Variants in LDAH observed in about 807,000 individuals in gnomAD.
LDAH encodes the protein lipid droplet associated hydrolase.
In LDAH, 26 loss-of-function variants were observed where a neutral mutation model predicts 29.6. That is an observed-to-expected ratio of 0.88 (90% CI 0.64 to 1.22). The LOEUF is 1.22. Among genes scored for constraint, LDAH ranks in the 50% most tolerant of loss-of-function variants. The pLI is 0.00. For synonymous variants in LDAH, 117 were observed against 133.0 expected (o/e 0.88, Z 0.83); for missense variants, 344 against 387.3 (o/e 0.89, Z 0.94).
downstream of LDAH, among the ~76,000 whole-genome samples, chr2:20,683,106 C>T (rs116218409): frequency 3.5e-3 from 536 of 152,298 alleles, 2 homozygotes; most frequent in African/African-American, 0.012. Context: ...CTTTGACCCT[C>T]GTTCGTGCTC....
chr2:20,730,043 T>C (rs1437734467), intron 5 of LDAH, among the ~76,000 whole-genome samples: 1 of 152,238 alleles, frequency 6.6e-6, no homozygotes, highest in Non-Finnish European at 1.5e-5. Flanking sequence ...AAGAATGCTA[T>C]ATAAATGGAA....
chr2:20,738,444 G>C (rs1460654959), intron 5 of LDAH, among the ~76,000 whole-genome samples: 2 of 151,844 alleles, frequency 1.3e-5, no homozygotes, highest in Non-Finnish European at 1.5e-5. Flanking sequence ...GTCTATGGAG[G>C]AGCTGTTCTT....
Position 20,789,651 on chromosome 2 carries a change from A to AT in LDAH, c.298+603dup, listed in dbSNP as rs200985173. On this transcript the variant is annotated intron_variant, in intron 3 of 6. Coordinates refer to ENST00000237822, the MANE Select transcript of LDAH (RefSeq NM_021925.4). Reference sequence around the variant, plus strand: ...TTCTTTAAAGTAAAGAACATGGTTTATAAAAGGGGTTCCCAACCCCTGTCT... The same window carrying AT: ...TTCTTTAAAGTAAAGAACATGGTTTATTAAAAGGGGTTCCCAACCCCTGTCT... Among the ~76,000 whole-genome samples the AT allele has an allele frequency of 3.9e-5, 6 of 152,294 alleles. No homozygotes were observed. The East Asian group carries it at 1.2e-3, about 29-fold the overall frequency.
In LDAH at chr2:20,698,411, C is replaced by T. The variant is rs1319787616; in HGVS notation, c.786+3159G>A. ...TCAAATGACAAAATAACCTATAGGC[C>T]GGGCGCAGTGGCTCATGCCTGTAAT... is the stretch of plus-strand genomic sequence containing the variant. On this transcript the variant is annotated intron_variant, in intron 6 of 6. Coordinates refer to ENST00000237822, the MANE Select transcript of LDAH (RefSeq NM_021925.4). This position sits in a 1 kb window ranked among gnomAD's most constrained non-coding sequence, Gnocchi z 4.4. Among the ~76,000 whole-genome samples, 4 of 152,146 alleles carry T rather than the reference C, an allele frequency of 2.6e-5. No individual in the cohort carries two copies. Among genetic ancestry groups the T allele is most frequent in the Admixed American group, 6.5e-5 (1 of 15,282 alleles).
chr2:20,774,840 A>T lies in LDAH; in HGVS notation c.438T>A (p.Leu146=), dbSNP rs1413807954. 1 of 1,613,266 alleles carries T rather than the reference A, an allele frequency of 6.2e-7. No individual in the cohort carries two copies. Among genetic ancestry groups the T allele is most frequent in the South Asian group, 1.1e-5 (1 of 91,040 alleles). The change falls in exon 4 of 7, where the codon CTT becomes CTA. Residue 146 remains leucine, a synonymous_variant. Transcript: ENST00000237822. ...GCTCAGGGACTCGCTTCAGCATCTGAAGTGTGAAATAGCTGCCTATTGAAT... is the reference window on the plus strand; with the variant it reads ...GCTCAGGGACTCGCTTCAGCATCTGTAGTGTGAAATAGCTGCCTATTGAAT... The part of the protein sequence containing the change: ...IGHSIGSYFT[L]QMLKRVPELP...
chr2:20,810,854 T>C (rs986934843), intron 1 of LDAH, among the ~76,000 whole-genome samples: 2 of 152,090 alleles, frequency 1.3e-5, no homozygotes, highest in Non-Finnish European at 2.9e-5. Context: ...TTGTGAACTG[T>C]GCATGCGAAG....
intron 3 of LDAH, among the ~76,000 whole-genome samples, chr2:20,778,551 C>A (rs988532287): frequency 6.6e-6 from 1 of 152,100 alleles, no homozygotes; most frequent in Admixed American, 6.5e-5. Flanking sequence ...ACTACTCTGA[C>A]AGAAAACAGT....
At chr2:20,736,208 A>G (rs1030529146) in intron 5 of LDAH, among the ~76,000 whole-genome samples, 2 of 152,108 alleles carry the variant, frequency 1.3e-5, no homozygotes, top group East Asian at 3.9e-4. Context: ...TTGGGAGGCC[A>G]AGGCAGGTGG....
At chr2:20,743,568 A>G (rs894395055) in intron 4 of LDAH, among the ~76,000 whole-genome samples, 4 of 152,198 alleles carry the variant, frequency 2.6e-5, no homozygotes, top group African/African-American at 7.2e-5. Context: ...TACAAAATCG[A>G]AAGCACTGTT....
At chr2:20,781,453 G>T (rs749794011) in intron 3 of LDAH, among the ~76,000 whole-genome samples, 1 of 152,056 alleles carries the variant, frequency 6.6e-6, no homozygotes, top group Non-Finnish European at 1.5e-5. Context: ...TATTTTTCAC[G>T]CCATTATTTT....
intron 6 of LDAH, among the ~76,000 whole-genome samples, chr2:20,693,866 G>T (rs1035319067): frequency 3.9e-5 from 6 of 152,264 alleles, no homozygotes; most frequent in African/African-American, 1.4e-4. Context: ...AGCTTACGCT[G>T]CATGGCAGGG....
intron 1 of LDAH, among the ~76,000 whole-genome samples, chr2:20,805,876 T>C (rs1672033768): frequency 2.0e-5 from 3 of 148,548 alleles, no homozygotes; most frequent in Admixed American, 2.0e-4. Context: ...ATACTTAGTA[T>C]ACATTAAGTG....
chr2:20,701,216 T>C (rs920137326), intron 6 of LDAH, among the ~76,000 whole-genome samples: 2 of 152,228 alleles, frequency 1.3e-5, no homozygotes, highest in Admixed American at 6.5e-5. Flanking sequence ...ATATAACATA[T>C]AATGTATTTT....
At chr2:20,718,060 A>G (rs190553640) in intron 5 of LDAH, among the ~76,000 whole-genome samples, 132 of 152,364 alleles carry the variant, frequency 8.7e-4, no homozygotes, top group Non-Finnish European at 3.1e-4. Flanking sequence ...GTTAAAACAC[A>G]CTACCAGAGA....
chr2:20,791,424 T>G (rs748644939), intron 2 of LDAH, among the ~76,000 whole-genome samples: 2 of 152,324 alleles, frequency 1.3e-5, no homozygotes, highest in Non-Finnish European at 2.9e-5. Context: ...CAGCAAGTAT[T>G]ATATAAATGT....
intron 5 of LDAH, among the ~76,000 whole-genome samples, chr2:20,723,298 A>G (rs1445064931): frequency 6.6e-6 from 1 of 152,192 alleles, no homozygotes; most frequent in Non-Finnish European, 1.5e-5. Flanking sequence ...TAGTAGTTAC[A>G]TTTGGGAAAA....
At chr2:20,699,414 CAT>C (rs1663748340) in intron 6 of LDAH, among the ~76,000 whole-genome samples, 1 of 152,118 alleles carries the variant, frequency 6.6e-6, no homozygotes, top group African/African-American at 2.4e-5. Context: ...CAGACTGGGA[CAT>C]ATGTTGATTC....
chr2:20,819,909 A>G (rs1673132529), intron 1 of LDAH, among the ~76,000 whole-genome samples: 1 of 152,228 alleles, frequency 6.6e-6, no homozygotes, highest in East Asian at 1.9e-4. Flanking sequence ...AAGCAACTTC[A>G]GCAAAGTCTC....
intron 5 of LDAH, among the ~76,000 whole-genome samples, chr2:20,731,390 G>T (rs112365520): frequency 0.025 from 3,747 of 152,276 alleles, 161 homozygotes; most frequent in African/African-American, 0.086. Flanking sequence ...TTAGACGCCT[G>T]CTCCCACTTT....
Sources: allele counts gnomAD v4.1 joint callset (sites outside exome capture counted in the v4.1 genomes callset), GRCh38; gene constraint gnomAD v4.1.1; non-coding constraint Gnocchi (gnomAD v3.1); transcripts MANE v1.5; gene names NCBI Gene and HGNC (gene_info 2026-07-23, HGNC 2026-07-21).